PTPRK: variants seen among roughly 807,000 people sequenced by gnomAD.
PTPRK encodes the protein receptor-type tyrosine-protein phosphatase kappa.
In PTPRK, 75 loss-of-function variants were observed where a neutral mutation model predicts 178.0. The ratio of observed to expected loss-of-function variants is 0.42; its 90% CI spans 0.35 to 0.51. The LOEUF (loss-of-function observed/expected upper bound fraction) is 0.51, where lower values mean the gene tolerates loss of function less well. PTPRK is among the 20% of genes least tolerant of loss of function. The pLI is 0.02. For missense variants in PTPRK, 1,441 were observed against 1,797.8 expected, an observed-to-expected ratio of 0.80 and a Z score of 3.59; for synonymous variants, 637 against 620.6, an observed-to-expected ratio of 1.03 and a Z score of -0.39.
Position 128,317,740 on chromosome 6 carries a change from A to G in PTPRK, c.495+4299T>C, listed in dbSNP as rs1828210106. Reference sequence around the variant, plus strand: ...TCCTCGCAGTTACAAAATGATCACAATGGCACCAAGAGCCATGTTCTCATA... The same window carrying G: ...TCCTCGCAGTTACAAAATGATCACAGTGGCACCAAGAGCCATGTTCTCATA... On this transcript the variant is annotated intron_variant, in intron 3 of 29. Coordinates refer to ENST00000368226, the MANE Select transcript of PTPRK (RefSeq NM_002844.4). Among the ~76,000 whole-genome samples, 4 of 152,126 alleles carry G rather than the reference A, an allele frequency of 2.6e-5. No individual in the cohort carries two copies. In the East Asian group the frequency reaches 7.7e-4, roughly 29 times the overall value.
chr6:128,258,850 C>G (rs1317101940), intron 3 of PTPRK, among the ~76,000 whole-genome samples: 1 of 152,166 alleles, frequency 6.6e-6, no homozygotes, highest in African/African-American at 2.4e-5. Context: ...GATCTTGGAG[C>G]ATTCCACGAT....
chr6:128,511,617 G>T (rs866139543), intron 1 of PTPRK, among the ~76,000 whole-genome samples: 2 of 152,106 alleles, frequency 1.3e-5, no homozygotes, highest in Non-Finnish European at 2.9e-5. Flanking sequence ...GTGGAATTAC[G>T]TCAACTTCTA....
intron 5 of PTPRK, among the ~76,000 whole-genome samples, chr6:128,226,951 A>C (rs1232718907): frequency 6.6e-6 from 1 of 151,654 alleles, no homozygotes; most frequent in Non-Finnish European, 1.5e-5. Context: ...GTTTACTGAA[A>C]TTTATTTTTC....
Position 128,135,485 on chromosome 6 carries a change from G to GC in PTPRK, c.1163-45494dup, listed in dbSNP as rs546939135. ...ACAACAGAAATGTCTGTTCACTTTT[G>GC]CCTTGTTATCACATGTATATGAAAC... On this transcript the variant is annotated intron_variant, in intron 7 of 29. Coordinates refer to ENST00000368226, the MANE Select transcript of PTPRK (RefSeq NM_002844.4). Among the ~76,000 whole-genome samples, 127 of 152,244 alleles carry GC rather than the reference G, an allele frequency of 8.3e-4. 5 individuals are homozygous for GC. The South Asian group carries it at 0.025, about 30-fold the overall frequency.
intron 1 of PTPRK, among the ~76,000 whole-genome samples, chr6:128,425,988 A>C (rs1179446512): frequency 6.6e-6 from 1 of 152,232 alleles, no homozygotes; most frequent in African/African-American, 2.4e-5. Context: ...CAGAATCTTT[A>C]ATATGTAATG....
chr6:128,177,965 G>A (rs1801332463), intron 7 of PTPRK, among the ~76,000 whole-genome samples: 1 of 151,644 alleles, frequency 6.6e-6, no homozygotes, highest in Non-Finnish European at 1.5e-5. Flanking sequence ...ACCTCCATCT[G>A]TCCATATAGA....
Position 127,981,031 on chromosome 6 carries a change from C to T in PTPRK, c.3711+85G>A, listed in dbSNP as rs1775283079. Reference sequence around the variant, plus strand: ...TTTCCTTTTTAGGTTATTTTAATTTCCTCGAAAAGAAAACTAGCCAGTGTT... The same window carrying T: ...TTTCCTTTTTAGGTTATTTTAATTTTCTCGAAAAGAAAACTAGCCAGTGTT... On this transcript the variant is annotated intron_variant, in intron 25 of 29. Transcript: ENST00000368226. The T allele has an allele frequency of 4.7e-6, 6 of 1,268,446 alleles. No homozygotes were observed. In the South Asian group the frequency reaches 1.1e-4, roughly 23 times the overall value. The allele number at this position is 1,268,446 out of a possible 1,614,324, so 78.6% of individuals were successfully genotyped here.
chr6:128,220,941 A>G (rs1232745473), intron 5 of PTPRK, among the ~76,000 whole-genome samples: 1 of 152,198 alleles, frequency 6.6e-6, no homozygotes, highest in Non-Finnish European at 1.5e-5. Context: ...CACTATAGCA[A>G]CTTCAGTTTA....
chr6:128,134,631 C>CA, intron 7 of PTPRK, among the ~76,000 whole-genome samples: 1 of 151,990 alleles, frequency 6.6e-6, no homozygotes, highest in Non-Finnish European at 1.5e-5. Flanking sequence ...GGCGATGTGA[C>CA]AAAATCCCAT....
At chr6:128,276,318 G>GA (rs973283704) in intron 3 of PTPRK, among the ~76,000 whole-genome samples, 2 of 152,078 alleles carry the variant, frequency 1.3e-5, no homozygotes, top group African/African-American at 4.8e-5. Flanking sequence ...GAAGTTCAAA[G>GA]AAAAAATCAT....
chr6:128,483,540 C>T (rs1429263402), intron 1 of PTPRK, among the ~76,000 whole-genome samples: 1 of 152,046 alleles, frequency 6.6e-6, no homozygotes, highest in African/African-American at 2.4e-5. Flanking sequence ...GACTCTCTTT[C>T]TGGGTAACTA....
chr6:128,507,505 G>A (rs892021014), intron 1 of PTPRK, among the ~76,000 whole-genome samples: 4 of 152,108 alleles, frequency 2.6e-5, no homozygotes, highest in Non-Finnish European at 5.9e-5. Flanking sequence ...CTTATGGGAT[G>A]CAGGTGCCAG....
intron 13 of PTPRK, among the ~76,000 whole-genome samples, chr6:128,018,403 G>T (rs1432645001): frequency 6.6e-6 from 1 of 151,694 alleles, no homozygotes; most frequent in Non-Finnish European, 1.5e-5. Context: ...TTCTTTAAGA[G>T]AAAAATTCTG....
chr6:128,219,053 A>C lies in PTPRK; in HGVS notation c.737T>G (p.Ile246Ser). ...EDIPVAQTKN[I>S]NHRRFAASFR... ...GGAAGCGGCAAACCTTCTATGATTG[A>C]TGTTCTTAGTCTGGGCTACTGGTAT... Residue 246 changes from isoleucine (I) to serine (S), a missense_variant, in exon 6 of 30, where the codon ATC becomes AGC. Coordinates refer to ENST00000368226, the MANE Select transcript of PTPRK (RefSeq NM_002844.4). The C allele has an allele frequency of 6.2e-7, 1 of 1,614,000 alleles. No individual in the cohort carries two copies. Among genetic ancestry groups the C allele is most frequent in the African/African-American group, 1.3e-5 (1 of 75,040 alleles).
intron 3 of PTPRK, among the ~76,000 whole-genome samples, chr6:128,254,276 A>G (rs1816933543): frequency 6.6e-6 from 1 of 152,130 alleles, no homozygotes; most frequent in Non-Finnish European, 1.5e-5. Context: ...ATCATTAGCT[A>G]TATAACGTTT....
intron 12 of PTPRK, among the ~76,000 whole-genome samples, chr6:128,067,149 T>C (rs1781930147): frequency 6.6e-6 from 1 of 152,232 alleles, no homozygotes; most frequent in African/African-American, 2.4e-5. Flanking sequence ...GTAAATTTAA[T>C]CTCTTGAAGT....
chr6:128,402,283 A>G (rs529650920), intron 1 of PTPRK, among the ~76,000 whole-genome samples: 1 of 152,260 alleles, frequency 6.6e-6, no homozygotes, highest in East Asian at 1.9e-4. Context: ...TTAGAGATGG[A>G]GTCTCACTCT....
At chr6:128,362,492 A>G (rs962183896) in intron 2 of PTPRK, among the ~76,000 whole-genome samples, 7 of 152,186 alleles carry the variant, frequency 4.6e-5, no homozygotes, top group African/African-American at 1.7e-4. Context: ...TAATAAGATC[A>G]TTTTACATAT....
intron 2 of PTPRK, among the ~76,000 whole-genome samples, chr6:128,377,442 A>T (rs1195094825): frequency 6.6e-6 from 1 of 152,158 alleles, no homozygotes; most frequent in Non-Finnish European, 1.5e-5. Context: ...GTCATCTCCC[A>T]CCAGGCCCCT....
Sources: gnomAD v4.1 joint callset for allele counts (sites outside exome capture counted in the v4.1 genomes callset) on GRCh38, gnomAD v4.1.1 for gene constraint, MANE v1.5 for transcripts, NCBI Gene and HGNC (gene_info 2026-07-23, HGNC 2026-07-21) for gene names.